Variants in CDKAL1 observed in about 807,000 individuals in gnomAD.
CDKAL1 encodes threonylcarbamoyladenosine tRNA methylthiotransferase.
CDKAL1 carries 32 observed loss-of-function variants against 68.2 expected under a neutral mutation model. The ratio of observed to expected loss-of-function variants is 0.47; its 90% CI spans 0.35 to 0.63. The LOEUF (loss-of-function observed/expected upper bound fraction) is 0.63, where lower values mean the gene tolerates loss of function less well. Among genes scored for constraint, CDKAL1 ranks in the 30% least tolerant of loss-of-function variants. The pLI, the probability that CDKAL1 is intolerant of heterozygous loss-of-function variation, is 0.00. For synonymous variants in CDKAL1, 234 were observed against 244.3 expected (o/e 0.96, Z 0.39); for missense variants, 606 against 696.7 (o/e 0.87, Z 1.47).
intron 5 of CDKAL1, among the ~76,000 whole-genome samples, chr6:20,691,402 C>T (rs1346816497): frequency 6.6e-6 from 1 of 151,944 alleles, no homozygotes; most frequent in Non-Finnish European, 1.5e-5. Flanking sequence ...ATAGAGCTTA[C>T]ACCGAGTAAT....
intron 13 of CDKAL1, among the ~76,000 whole-genome samples, chr6:21,172,100 C>T (rs1777410995): frequency 6.6e-6 from 1 of 152,136 alleles, no homozygotes; most frequent in South Asian, 2.1e-4. Context: ...GGACAGTCCT[C>T]CCCCTAAAGC....
intron 10 of CDKAL1, among the ~76,000 whole-genome samples, chr6:20,975,069 A>G (rs1997685): frequency 0.18 from 27,027 of 151,622 alleles, 2,791 homozygotes; most frequent in Admixed American, 0.26. Context: ...GCAATGCTTT[A>G]ATATAGATAT....
At chr6:21,134,170 A>T (rs1346245076) in intron 13 of CDKAL1, among the ~76,000 whole-genome samples, 1 of 152,198 alleles carries the variant, frequency 6.6e-6, no homozygotes, top group Non-Finnish European at 1.5e-5. Flanking sequence ...CAGAGGCCAG[A>T]TAGGAATTCA....
chr6:20,625,294 T>C (rs1324259600), intron 4 of CDKAL1, among the ~76,000 whole-genome samples: 2 of 152,118 alleles, frequency 1.3e-5, no homozygotes, highest in Admixed American at 1.3e-4. Context: ...TGGGTGCTCT[T>C]ATCTATCAAA....
intron 7 of CDKAL1, among the ~76,000 whole-genome samples, chr6:20,763,419 C>G (rs1014801600): frequency 6.6e-6 from 1 of 152,120 alleles, no homozygotes; most frequent in Non-Finnish European, 1.5e-5. Context: ...TTTAGTAAAT[C>G]GTTCCTTTAT....
intron 5 of CDKAL1, among the ~76,000 whole-genome samples, chr6:20,706,548 C>G (rs1156556721): frequency 6.6e-6 from 1 of 152,164 alleles, no homozygotes; most frequent in African/African-American, 2.4e-5. Flanking sequence ...TTTATTTACT[C>G]AAGCCAAAGT....
chr6:20,953,649 A>G (rs1307712386), intron 9 of CDKAL1, among the ~76,000 whole-genome samples: 4 of 152,194 alleles, frequency 2.6e-5, no homozygotes. Flanking sequence ...TGATACCACT[A>G]ATTTCAGTCC....
intron 5 of CDKAL1, among the ~76,000 whole-genome samples, chr6:20,724,584 G>A (rs1369392343): frequency 6.6e-6 from 1 of 151,432 alleles, no homozygotes; most frequent in Admixed American, 6.6e-5. Context: ...GAGAGTGGAG[G>A]TGCGTGCCTG....
chr6:21,206,925 A>ATT (rs66590198), intron 15 of CDKAL1, among the ~76,000 whole-genome samples: 46 of 137,266 alleles, frequency 3.4e-4, no homozygotes, highest in South Asian at 4.4e-4. Context: ...TTTTACTTTA[A>ATT]TTTCTTTTTT....
rs535302676 is a variant in CDKAL1, at chr6:21,015,978, A to G, written c.1055+15606A>G. On this transcript the variant is annotated intron_variant, in intron 11 of 15. Transcript: ENST00000274695. ...AAAAAAAAAAAGAAAGAATCATGAT[A>G]CAATTCAGTTTTTGGAGAGTGTTTT... is the stretch of plus-strand genomic sequence containing the variant. Among the ~76,000 whole-genome samples the G allele has an allele frequency of 8.6e-5, 13 of 151,626 alleles. No homozygotes were observed. In the South Asian group the frequency reaches 2.3e-3, roughly 27 times the overall value.
At chr6:21,118,563 C>T (rs944923042) in intron 13 of CDKAL1, among the ~76,000 whole-genome samples, 12 of 152,142 alleles carry the variant, frequency 7.9e-5, no homozygotes, top group Non-Finnish European at 1.5e-4. Context: ...CTGGGGTTTT[C>T]GTGTAAGATT....
rs6924598 is a variant in CDKAL1, at chr6:21,156,758, C to T, written c.1300-41263C>T. On this transcript the variant is annotated intron_variant, in intron 13 of 15. Transcript: ENST00000274695. Reference sequence around the variant, plus strand: ...CTGGAGAATTTGTGTGGTGGGATTACTAGAATTCAAGCAGCTGGAGAGGTG... The same window carrying T: ...CTGGAGAATTTGTGTGGTGGGATTATTAGAATTCAAGCAGCTGGAGAGGTG... Among the ~76,000 whole-genome samples the T allele has an allele frequency of 3.0e-3, 453 of 152,146 alleles. 5 individuals are homozygous for T. The highest frequency in any genetic ancestry group is 9.6e-3 in the African/African-American group (397 of 41,544).
chr6:20,795,337 A>G (rs918555901), intron 8 of CDKAL1, among the ~76,000 whole-genome samples: 5 of 152,146 alleles, frequency 3.3e-5, no homozygotes, highest in Admixed American at 6.5e-5. Flanking sequence ...TTCTCAGTTC[A>G]TGTTTTCTGA....
At chr6:20,664,039 G>C (rs1015445799) in intron 5 of CDKAL1, among the ~76,000 whole-genome samples, 1 of 151,970 alleles carries the variant, frequency 6.6e-6, no homozygotes, top group Admixed American at 6.6e-5. Flanking sequence ...TACAAAACTT[G>C]CTGGAGATTT....
intron 14 of CDKAL1, chr6:21,200,902 C>T (rs774392669): frequency 2.9e-5 from 12 of 411,920 alleles, no homozygotes; most frequent in East Asian, 7.4e-5. Flanking sequence ...GGTATGCCTT[C>T]GGTTAATAAT....
chr6:21,117,103 C>T (rs1375862904), intron 13 of CDKAL1, among the ~76,000 whole-genome samples: 1 of 152,068 alleles, frequency 6.6e-6, no homozygotes, highest in African/African-American at 2.4e-5. Flanking sequence ...ACATACCCTG[C>T]CCCAACAGCT....
chr6:20,646,458 T>G (rs1463583616), intron 4 of CDKAL1, among the ~76,000 whole-genome samples: 1 of 152,040 alleles, frequency 6.6e-6, no homozygotes, highest in Non-Finnish European at 1.5e-5. Flanking sequence ...GTGATAGGAA[T>G]TTTTAAGCTC....
At chr6:20,923,233 T>C (rs1763039568) in intron 9 of CDKAL1, among the ~76,000 whole-genome samples, 1 of 152,162 alleles carries the variant, frequency 6.6e-6, no homozygotes, top group Admixed American at 6.5e-5. Context: ...CATATAACTC[T>C]TGGGTACAGG....
intron 5 of CDKAL1, among the ~76,000 whole-genome samples, chr6:20,654,476 G>A (rs968264072): frequency 1.3e-5 from 2 of 151,720 alleles, no homozygotes; most frequent in South Asian, 2.1e-4. Context: ...TTATTAATCC[G>A]TTCTTTTTGG....
Sources: gnomAD v4.1 joint callset for allele counts (sites outside exome capture counted in the v4.1 genomes callset) on GRCh38, gnomAD v4.1.1 for gene constraint, MANE v1.5 for transcripts, NCBI Gene and HGNC (gene_info 2026-07-23, HGNC 2026-07-21) for gene names.